CLNK: variants seen among roughly 807,000 people sequenced by gnomAD.
CLNK encodes cytokine-dependent hematopoietic cell linker.
CLNK carries 74 observed loss-of-function variants against 68.6 expected under a neutral mutation model. The ratio of observed to expected loss-of-function variants is 1.08; its 90% confidence interval spans 0.89 to 1.31. The LOEUF is 1.31. Ranked by LOEUF, CLNK falls within the 50% of genes most tolerant of loss-of-function variation. The probability of loss-of-function intolerance (pLI) is 0.00; values close to 1 mark genes in which losing one functional copy is unlikely to be tolerated. For synonymous variants in CLNK, 198 were observed against 172.2 expected, an observed-to-expected ratio of 1.15 and a Z score of -1.17; for missense variants, 553 against 515.3, an observed-to-expected ratio of 1.07 and a Z score of -0.71.
intron 1 of CLNK, among the ~76,000 whole-genome samples, chr4:10,679,198 C>A (rs1161015348): frequency 1.3e-5 from 2 of 152,126 alleles, no homozygotes; most frequent in African/African-American, 4.8e-5. Context: ...ACAGAGCCCT[C>A]AGAAATAATG....
chr4:10,678,515 A>C (rs935662903), intron 1 of CLNK, among the ~76,000 whole-genome samples: 7 of 152,144 alleles, frequency 4.6e-5, no homozygotes, highest in Non-Finnish European at 7.4e-5. Context: ...ATTGTAAGAC[A>C]CCCAAGGCTT....
At chr4:10,585,344 T>A (rs150459395) in intron 3 of CLNK, among the ~76,000 whole-genome samples, 230 of 152,338 alleles carry the variant, frequency 1.5e-3, no homozygotes, top group African/African-American at 5.3e-3. Flanking sequence ...TCTCTATACA[T>A]CATGAACTAT....
chr4:10,620,554 G>A (rs976111669), intron 2 of CLNK, among the ~76,000 whole-genome samples: 6 of 152,200 alleles, frequency 3.9e-5, no homozygotes, highest in Middle Eastern at 3.4e-3. Flanking sequence ...TCTCATATCC[G>A]TAAGGTTTCT....
intron 12 of CLNK, among the ~76,000 whole-genome samples, chr4:10,529,528 G>A (rs13142232): frequency 0.99 from 151,053 of 152,358 alleles, 74,897 homozygotes; most frequent in East Asian, 1. Flanking sequence ...AAGGCTTTTT[G>A]TTTCAAAGAC....
intron 5 of CLNK, among the ~76,000 whole-genome samples, chr4:10,568,337 A>C (rs536083805): frequency 8.6e-4 from 131 of 152,274 alleles, no homozygotes; most frequent in Middle Eastern, 3.4e-3. Context: ...GAAGAGGAGG[A>C]TCTATAGATA....
chr4:10,597,168 A>T (rs2108844863), intron 3 of CLNK, among the ~76,000 whole-genome samples: 1 of 152,300 alleles, frequency 6.6e-6, no homozygotes, highest in Non-Finnish European at 1.5e-5. Flanking sequence ...GGACTGAAGG[A>T]TGTTTGATGG....
chr4:10,630,485 C>G (rs942576016), intron 2 of CLNK, among the ~76,000 whole-genome samples: 4 of 151,784 alleles, frequency 2.6e-5, no homozygotes, highest in Non-Finnish European at 4.4e-5. Flanking sequence ...ACACCAAACT[C>G]TGGGCTATGT....
intron 12 of CLNK, chr4:10,531,806 C>T (rs1438591683): frequency 2.2e-6 from 1 of 457,898 alleles, no homozygotes; most frequent in East Asian, 6.9e-5. Context: ...CTGAAGTTCA[C>T]AAAGCGAGTA....
the CLNK span, among the ~76,000 whole-genome samples, chr4:10,714,671 T>C: frequency 2.0e-4 from 29 of 142,854 alleles, no homozygotes; most frequent in African/African-American, 6.7e-4. Context: ...TCTTAGATAA[T>C]ACATTCATTG....
At chr4:10,568,503 G>A (rs144514572) in intron 5 of CLNK, among the ~76,000 whole-genome samples, 244 of 152,286 alleles carry the variant, frequency 1.6e-3, no homozygotes, top group African/African-American at 5.3e-3. Context: ...AAATTGAATG[G>A]CAGGTAGATT....
intron 4 of CLNK, among the ~76,000 whole-genome samples, chr4:10,577,698 G>A (rs896214242): frequency 1.3e-5 from 2 of 151,994 alleles, no homozygotes; most frequent in Admixed American, 1.3e-4. Context: ...GCAAGAAGGC[G>A]GGAAGAACAG....
chr4:10,641,391 A>G (rs1313549977), intron 2 of CLNK, among the ~76,000 whole-genome samples: 1 of 152,156 alleles, frequency 6.6e-6, no homozygotes, highest in East Asian at 1.9e-4. Context: ...AAGGATGCAG[A>G]ATGACTTCAG....
chr4:10,694,549 T>C, the CLNK span, among the ~76,000 whole-genome samples: 273 of 152,312 alleles, frequency 1.8e-3, no homozygotes, highest in African/African-American at 6.4e-3. Context: ...TGCAGTAACA[T>C]GCTGTACAGG....
At chr4:10,691,776 C>T in the CLNK span, among the ~76,000 whole-genome samples, 1 of 152,144 alleles carries the variant, frequency 6.6e-6, no homozygotes, top group Non-Finnish European at 1.5e-5. Flanking sequence ...TGTCCTCAAA[C>T]TGGTTGAATT....
chr4:10,620,406 T>G (rs186035965), intron 2 of CLNK, among the ~76,000 whole-genome samples: 1 of 152,306 alleles, frequency 6.6e-6, no homozygotes, highest in East Asian at 1.9e-4. Context: ...GTCACCTCAC[T>G]CAGGCACTGA....
chr4:10,674,061 G>A (rs1268034518), intron 1 of CLNK, among the ~76,000 whole-genome samples: 1 of 152,200 alleles, frequency 6.6e-6, no homozygotes, highest in African/African-American at 2.4e-5. Flanking sequence ...AGTTTTGCTT[G>A]TGGAACCCGG....
the CLNK span, among the ~76,000 whole-genome samples, chr4:10,711,844 A>G: frequency 6.6e-6 from 1 of 152,060 alleles, no homozygotes; most frequent in East Asian, 1.9e-4. Context: ...ATTCCTGACT[A>G]CTCCTGTGAT....
rs563363300 is a variant in CLNK, at chr4:10,540,622, G to A, written c.492-18C>T. 2.0e-5 allele frequency: 32 copies of A among 1,577,376 alleles called. No individual in the cohort carries two copies. The highest frequency in any genetic ancestry group is 3.3e-5 in the Admixed American group (2 of 59,920). ...TGAGAGGCCTGTGTGGAGAGTCGCAGTAGGGTCCTGAGAAAGTTTGCTGCA... is the reference window on the plus strand; with the variant it reads ...TGAGAGGCCTGTGTGGAGAGTCGCAATAGGGTCCTGAGAAAGTTTGCTGCA... On this transcript the variant is annotated intron_variant, in intron 10 of 18. Transcript: ENST00000226951.
At chr4:10,516,047 A>T (rs1717822316) in intron 15 of CLNK, among the ~76,000 whole-genome samples, 1 of 152,132 alleles carries the variant, frequency 6.6e-6, no homozygotes, top group Non-Finnish European at 1.5e-5. Flanking sequence ...ATGTCTTTCC[A>T]GTCAATAATA....
Sources: allele counts gnomAD v4.1 joint callset (sites outside exome capture counted in the v4.1 genomes callset), GRCh38; gene constraint gnomAD v4.1.1; transcripts MANE v1.5; gene names NCBI Gene and HGNC (gene_info 2026-07-23, HGNC 2026-07-21).